ZFPM2: variants seen among roughly 807,000 people sequenced by gnomAD.
ZFPM2 encodes zinc finger protein, FOG family member 2.
A neutral mutation model predicts 98.6 loss-of-function variants in ZFPM2; 20 were observed. The observed-to-expected ratio is 0.20, with a 90% confidence interval of 0.14 to 0.29. The LOEUF is 0.29. Among genes scored for constraint, ZFPM2 ranks in the 10% least tolerant of loss-of-function variants. The pLI, the probability that ZFPM2 is intolerant of heterozygous loss-of-function variation, is 1.00. For missense variants in ZFPM2, 1,310 were observed against 1,388.6 expected (o/e 0.94, Z 0.90); for synonymous variants, 518 against 502.7 (o/e 1.03, Z -0.41).
At chr8:105,694,367 T>A (rs1228106353) in intron 5 of ZFPM2, among the ~76,000 whole-genome samples, 1 of 152,138 alleles carries the variant, frequency 6.6e-6, no homozygotes, top group African/African-American at 2.4e-5. Flanking sequence ...AAGAAATGCA[T>A]AAGTAAAAAA....
At chr8:105,698,775 G>C (rs992209777) in intron 5 of ZFPM2, among the ~76,000 whole-genome samples, 3 of 152,060 alleles carry the variant, frequency 2.0e-5, no homozygotes, top group Non-Finnish European at 4.4e-5. Flanking sequence ...AAATTATATG[G>C]CTTTATGATT....
At chr8:105,463,298 T>C (rs1812736609) in intron 3 of ZFPM2, among the ~76,000 whole-genome samples, 1 of 151,800 alleles carries the variant, frequency 6.6e-6, no homozygotes, top group African/African-American at 2.4e-5. Flanking sequence ...TGTGTGTGTA[T>C]ATATATACAC....
intron 5 of ZFPM2, among the ~76,000 whole-genome samples, chr8:105,676,401 A>G (rs1702003095): frequency 6.6e-6 from 1 of 152,170 alleles, no homozygotes; most frequent in East Asian, 1.9e-4. Flanking sequence ...AATTTGTATT[A>G]TCTTCACATT....
intron 4 of ZFPM2, among the ~76,000 whole-genome samples, chr8:105,619,669 G>A (rs1226014237): frequency 1.3e-5 from 2 of 151,950 alleles, no homozygotes; most frequent in Non-Finnish European, 2.9e-5. Flanking sequence ...ATCTCCTAAT[G>A]CTATCCCTCC....
intron 1 of ZFPM2, among the ~76,000 whole-genome samples, chr8:105,406,376 A>G (rs1229648042): frequency 1.3e-5 from 2 of 152,088 alleles, no homozygotes; most frequent in Non-Finnish European, 2.9e-5. Flanking sequence ...AGGATTCCCT[A>G]TTTAATAAAT....
At chr8:105,396,768 A>C (rs1811228514) in intron 1 of ZFPM2, among the ~76,000 whole-genome samples, 1 of 152,204 alleles carries the variant, frequency 6.6e-6, no homozygotes, top group South Asian at 2.1e-4. Context: ...ACAAAATACA[A>C]ATATTGCTAA....
chr8:105,625,443 CAATTT>C (rs973358886), intron 4 of ZFPM2, among the ~76,000 whole-genome samples: 2 of 152,036 alleles, frequency 1.3e-5, no homozygotes, highest in Admixed American at 6.6e-5. Context: ...AAGGACATCC[CAATTT>C]AATTCAGTGG....
At chr8:105,335,989 A>T (rs1417605042) in intron 1 of ZFPM2, among the ~76,000 whole-genome samples, 2 of 151,858 alleles carry the variant, frequency 1.3e-5, no homozygotes, top group African/African-American at 2.4e-5. Context: ...GGTAACTTAC[A>T]TGTTAACTTT....
At chr8:105,489,466 A>ATATATATATATATATATATATATTTTT (rs1554610604) in intron 3 of ZFPM2, among the ~76,000 whole-genome samples, 13 of 119,772 alleles carry the variant, frequency 1.1e-4, no homozygotes, top group African/African-American at 4.3e-4. Flanking sequence ...ATATATATAT[A>ATATATATATATATATATATATATTTTT]TTTTTTTTTT....
intron 1 of ZFPM2, among the ~76,000 whole-genome samples, chr8:105,406,127 G>GT (rs944702516): frequency 2.0e-5 from 3 of 152,004 alleles, no homozygotes; most frequent in Non-Finnish European, 2.9e-5. Context: ...TGATGGGGTT[G>GT]TTTTTTTCTT....
chr8:105,376,643 T>TA, intron 1 of ZFPM2, among the ~76,000 whole-genome samples: 1 of 152,266 alleles, frequency 6.6e-6, no homozygotes, highest in African/African-American at 2.4e-5. Context: ...TTTGTCTAAG[T>TA]AAAAAAGCTG....
chr8:105,779,555 A>G (rs538193303), intron 5 of ZFPM2, among the ~76,000 whole-genome samples: 2 of 152,318 alleles, frequency 1.3e-5, no homozygotes, highest in Admixed American at 1.3e-4. Flanking sequence ...TTCTGGATAC[A>G]TTTTGCTTAT....
At chr8:105,542,061 A>G (rs1228829102) in intron 3 of ZFPM2, among the ~76,000 whole-genome samples, 1 of 152,204 alleles carries the variant, frequency 6.6e-6, no homozygotes, top group Non-Finnish European at 1.5e-5. Context: ...CTCAGCAGAA[A>G]TAAAACCAGA....
At chr8:105,351,978 A>G (rs1195519498) in intron 1 of ZFPM2, among the ~76,000 whole-genome samples, 1 of 152,198 alleles carries the variant, frequency 6.6e-6, no homozygotes, top group African/African-American at 2.4e-5. Context: ...ACTGAAGTAC[A>G]TTCCAGACTT....
At chr8:105,726,163 C>T (rs117614973) in intron 5 of ZFPM2, among the ~76,000 whole-genome samples, 1,873 of 150,556 alleles carry the variant, frequency 0.012, 19 homozygotes, top group South Asian at 0.047. Context: ...CTGCGTCTGG[C>T]TCAGATGTTG....
intron 4 of ZFPM2, among the ~76,000 whole-genome samples, chr8:105,563,706 T>C (rs886079859): frequency 6.6e-6 from 1 of 152,184 alleles, no homozygotes; most frequent in Admixed American, 6.5e-5. Flanking sequence ...TTGAATTAAA[T>C]GCTATTCTGA....
At chr8:105,711,691 C>T (rs1586213305) in intron 5 of ZFPM2, among the ~76,000 whole-genome samples, 1 of 152,068 alleles carries the variant, frequency 6.6e-6, no homozygotes, top group Non-Finnish European at 1.5e-5. Flanking sequence ...TTTCATTCTT[C>T]CTTGTTTCTG....
chr8:105,656,689 C>T (rs1386238948), intron 5 of ZFPM2, among the ~76,000 whole-genome samples: 1 of 152,156 alleles, frequency 6.6e-6, no homozygotes, highest in Non-Finnish European at 1.5e-5. Flanking sequence ...AGAATCTCAG[C>T]TGCTCTCAAA....
chr8:105,499,210 G>C (rs1009546515), intron 3 of ZFPM2, among the ~76,000 whole-genome samples: 1 of 151,104 alleles, frequency 6.6e-6, no homozygotes, highest in African/African-American at 2.4e-5. Context: ...CCACAATTCA[G>C]GCAATGCGAC....
Sources: gnomAD v4.1 joint callset for allele counts (sites outside exome capture counted in the v4.1 genomes callset) on GRCh38, gnomAD v4.1.1 for gene constraint, MANE v1.5 for transcripts, NCBI Gene and HGNC (gene_info 2026-07-23, HGNC 2026-07-21) for gene names.